Variants in MYO1H observed in about 807,000 individuals in gnomAD.
MYO1H encodes unconventional myosin-Ih.
Under a neutral mutation model 149.3 loss-of-function variants are expected in MYO1H, and 118 were observed. The observed-to-expected ratio is 0.79, with a 90% CI of 0.68 to 0.92. The LOEUF (loss-of-function observed/expected upper bound fraction) is 0.92. Ranked by LOEUF, MYO1H falls within the 40% of genes least tolerant of loss-of-function variation. The pLI is 0.00. For missense variants in MYO1H, 1,212 were observed against 1,280.7 expected (o/e 0.95, Z 0.82); for synonymous variants, 447 against 465.2 (o/e 0.96, Z 0.50).
chr12:109,312,041 A>G, the MYO1H span, among the ~76,000 whole-genome samples: 1 of 152,192 alleles, frequency 6.6e-6, no homozygotes, highest in East Asian at 1.9e-4. Context: ...TGTAAGAAAT[A>G]TTTGTTCATG....
At chr12:109,365,294 C>T (rs1285260882) in intron 1 of MYO1H, among the ~76,000 whole-genome samples, 1 of 152,076 alleles carries the variant, frequency 6.6e-6, no homozygotes, top group African/African-American at 2.4e-5. Flanking sequence ...AATAAATAAA[C>T]AAGGTAATCT....
the MYO1H span, among the ~76,000 whole-genome samples, chr12:109,329,916 C>T: frequency 6.6e-6 from 1 of 152,182 alleles, no homozygotes; most frequent in East Asian, 1.9e-4. Flanking sequence ...GTGGATAGGA[C>T]AGCCGTAGTC....
chr12:109,363,693 CAA>C (rs1394288925), intron 1 of MYO1H, among the ~76,000 whole-genome samples: 1 of 151,586 alleles, frequency 6.6e-6, no homozygotes, highest in Non-Finnish European at 1.5e-5. Flanking sequence ...GTCTGGGCAA[CAA>C]GAGAGAAACT....
the MYO1H span, among the ~76,000 whole-genome samples, chr12:109,313,367 C>T: frequency 6.6e-6 from 1 of 152,198 alleles, no homozygotes; most frequent in African/African-American, 2.4e-5. Flanking sequence ...AGTTCCGTGG[C>T]ACTGTGGAGC....
chr12:109,447,911 G>C (rs1872553428), exon 32 of MYO1H: 1 of 152,440 alleles, frequency 6.6e-6, no homozygotes, highest in Admixed American at 6.5e-5. Context: ...AAGCATATGA[G>C]CACACAAATG....
intron 15 of MYO1H, 112 bp downstream of exon 15, chr12:109,415,732 A>G: frequency 1.6e-6 from 1 of 622,776 alleles, no homozygotes. Context: ...AACGTTCCCT[A>G]ACCTCGCGTT....
chr12:109,328,459 G>A, the MYO1H span, among the ~76,000 whole-genome samples: 1 of 152,088 alleles, frequency 6.6e-6, no homozygotes, highest in Non-Finnish European at 1.5e-5. Context: ...GCCTCCCAAA[G>A]TGCTGGGATT....
At chr12:109,390,253 C>G (rs1313147917) in intron 2 of MYO1H, among the ~76,000 whole-genome samples, 1 of 149,768 alleles carries the variant, frequency 6.7e-6, no homozygotes, top group East Asian at 1.9e-4. Flanking sequence ...GTTGCCCAGG[C>G]TAGTCTTGAA....
chr12:109,367,621 G>A (rs1228154278), intron 1 of MYO1H, among the ~76,000 whole-genome samples: 5 of 151,710 alleles, frequency 3.3e-5, no homozygotes, highest in African/African-American at 7.3e-5. Context: ...ACACTATCTC[G>A]GCTCACTGCA....
chr12:109,332,773 G>C, the MYO1H span, among the ~76,000 whole-genome samples: 1 of 152,038 alleles, frequency 6.6e-6, no homozygotes, highest in Non-Finnish European at 1.5e-5. Flanking sequence ...GTAGAGATGG[G>C]GGTCTCACTA....
chr12:109,337,101 A>G, the MYO1H span, among the ~76,000 whole-genome samples: 1 of 152,218 alleles, frequency 6.6e-6, no homozygotes, highest in Admixed American at 6.5e-5. Context: ...GGAAGGAAGC[A>G]CAGAGATAAA....
At chr12:109,401,041 AAG>A in intron 5 of MYO1H, 50 bp from the exon 6 acceptor site, 1 of 1,535,094 alleles carries the variant, frequency 6.5e-7, no homozygotes, top group East Asian at 2.3e-5. Context: ...AGATGCCAGG[AAG>A]AGAGTGGTTT....
rs1186115403 is a variant in MYO1H, at chr12:109,424,555, C to T, written c.1645-193C>T. On this transcript the variant is annotated intron_variant, in intron 16 of 31. Coordinates refer to ENST00000310903, the Ensembl canonical transcript of MYO1H. ...GTCTGGCTTCAGCAAGCAGAGAAAG[C>T]AGTGGATGTAGAATGTGAACATGGC... is the stretch of plus-strand genomic sequence containing the variant. Among the ~76,000 whole-genome samples, 3 of 152,222 alleles carry T rather than the reference C, an allele frequency of 2.0e-5. 1 individual carries two copies. Among genetic ancestry groups the T allele is most frequent in the African/African-American group, 4.8e-5 (2 of 41,452 alleles).
exon 24 of MYO1H, chr12:109,439,695 T>C: frequency 6.2e-7 from 1 of 1,613,882 alleles, no homozygotes; most frequent in East Asian, 2.2e-5. Context: ...ATTTATCGTG[T>C]TTGTGCGGAA....
At chr12:109,377,461 G>A (rs1315439045) in intron 1 of MYO1H, among the ~76,000 whole-genome samples, 1 of 152,130 alleles carries the variant, frequency 6.6e-6, no homozygotes, top group Non-Finnish European at 1.5e-5. Context: ...CACCCTGAGG[G>A]AGGGCATTAA....
exon 32 of MYO1H, chr12:109,447,465 C>T (rs1872533430): frequency 1.8e-6 from 1 of 549,050 alleles, no homozygotes; most frequent in East Asian, 3.0e-5. Flanking sequence ...GTTCAGTGCG[C>T]AGTCCAACGT....
At chr12:109,330,025 G>A in the MYO1H span, among the ~76,000 whole-genome samples, 3 of 152,214 alleles carry the variant, frequency 2.0e-5, no homozygotes, top group African/African-American at 7.2e-5. Flanking sequence ...GAACCGGACT[G>A]GGGGCCTGGG....
At chr12:109,371,555 A>G (rs1226763053) in intron 1 of MYO1H, among the ~76,000 whole-genome samples, 3 of 152,098 alleles carry the variant, frequency 2.0e-5, no homozygotes, top group Non-Finnish European at 4.4e-5. Context: ...TATTTAGGAG[A>G]TTCTATAGCT....
At chr12:109,426,393 G>C (rs1167510133) in intron 18 of MYO1H, among the ~76,000 whole-genome samples, 1 of 152,194 alleles carries the variant, frequency 6.6e-6, no homozygotes, top group Non-Finnish European at 1.5e-5. Context: ...GGGTGTGGTG[G>C]AACATGTCTG....
Sources: gnomAD v4.1 joint callset for allele counts (sites outside exome capture counted in the v4.1 genomes callset) on GRCh38, gnomAD v4.1.1 for gene constraint, MANE v1.5 for transcripts, NCBI Gene and HGNC (gene_info 2026-07-23, HGNC 2026-07-21) for gene names.